LMBRD1: variants seen among roughly 807,000 people sequenced by gnomAD.
LMBRD1 encodes the protein LMBR1 domain containing 1, also known as lysosomal cobalamin transport escort protein LMBD1.
Under a neutral mutation model 74.8 loss-of-function variants are expected in LMBRD1, and 64 were observed. The observed-to-expected ratio is 0.86, with a 90% CI of 0.70 to 1.05. The LOEUF (loss-of-function observed/expected upper bound fraction) is 1.05. Ranked by LOEUF, LMBRD1 falls within the 50% of genes least tolerant of loss-of-function variation. LMBRD1 has a pLI of 0.00. For synonymous variants in LMBRD1, 204 were observed against 216.3 expected, an observed-to-expected ratio of 0.94 and a Z score of 0.50; for missense variants, 652 against 645.9, an observed-to-expected ratio of 1.01 and a Z score of -0.10.
chr6:69,689,923 C>T (rs1765841011), intron 14 of LMBRD1, among the ~76,000 whole-genome samples: 1 of 151,988 alleles, frequency 6.6e-6, no homozygotes, highest in African/African-American at 2.4e-5. Context: ...CCTCAATATC[C>T]ATGGGGGATT....
At chr6:69,724,367 A>AAG (rs1160885923) in intron 7 of LMBRD1, among the ~76,000 whole-genome samples, 4 of 136,070 alleles carry the variant, frequency 2.9e-5, no homozygotes, top group Admixed American at 2.2e-4. Flanking sequence ...AAAAAAAAAC[A>AAG]CTACAGGCCA....
rs79314833 is a variant in LMBRD1 at position 69,783,058 on chromosome 6, A to G, written c.247-2504T>C. ...TATAAACTAGCATAGATAAATATCT[A>G]TGAAGTACTTTTGAGTAGGAGGAAA... On this transcript the variant is annotated intron_variant, in intron 2 of 15. Coordinates refer to ENST00000649934, the MANE Select transcript of LMBRD1 (RefSeq NM_018368.4). Among the ~76,000 whole-genome samples, 645 of 152,348 alleles carry G rather than the reference A, an allele frequency of 4.2e-3. 6 individuals carry two copies. Among genetic ancestry groups the G allele is most frequent in the African/African-American group, 0.015 (608 of 41,572 alleles).
At chr6:69,715,719 T>C (rs4707324) in intron 8 of LMBRD1, among the ~76,000 whole-genome samples, 2 of 151,926 alleles carry the variant, frequency 1.3e-5, no homozygotes, top group Admixed American at 1.3e-4. Flanking sequence ...CATATACAAA[T>C]GTATTTACGA....
intron 14 of LMBRD1, among the ~76,000 whole-genome samples, chr6:69,683,936 C>T (rs1765712256): frequency 6.6e-6 from 1 of 152,000 alleles, no homozygotes; most frequent in African/African-American, 2.4e-5. Flanking sequence ...CAAGAAGTCC[C>T]AGATGCATGC....
chr6:69,726,958 A>T (rs532216508), intron 7 of LMBRD1, among the ~76,000 whole-genome samples: 1 of 152,156 alleles, frequency 6.6e-6, no homozygotes, highest in Non-Finnish European at 1.5e-5. Context: ...GTTTGAGAAC[A>T]GCCTGGTCAA....
At chr6:69,692,803 C>A (rs911277976) in intron 14 of LMBRD1, among the ~76,000 whole-genome samples, 2 of 151,938 alleles carry the variant, frequency 1.3e-5, no homozygotes, top group Non-Finnish European at 2.9e-5. Flanking sequence ...TATTTTTTCT[C>A]TTATTATAAT....
At chr6:69,688,729 A>AG (rs1765818051) in intron 14 of LMBRD1, among the ~76,000 whole-genome samples, 3 of 140,894 alleles carry the variant, frequency 2.1e-5, no homozygotes, top group African/African-American at 7.5e-5. Context: ...TTGCAGAGGT[A>AG]ATAAAAGATA....
chr6:69,760,038 T>G, intron 3 of LMBRD1, among the ~76,000 whole-genome samples: 1 of 152,200 alleles, frequency 6.6e-6, no homozygotes, highest in East Asian at 1.9e-4. Context: ...AAGGCTTATG[T>G]TCTTCTAATA....
intron 9 of LMBRD1, among the ~76,000 whole-genome samples, chr6:69,702,203 G>C (rs1766147717): frequency 6.6e-6 from 1 of 151,642 alleles, no homozygotes; most frequent in Non-Finnish European, 1.5e-5. Flanking sequence ...GTAAACAAAT[G>C]AAACTCTTTG....
chr6:69,703,036 G>C (rs976336887), intron 9 of LMBRD1, among the ~76,000 whole-genome samples: 4 of 152,176 alleles, frequency 2.6e-5, no homozygotes, highest in Non-Finnish European at 5.9e-5. Context: ...CTGGGAAGGA[G>C]AGAGTTGACG....
chr6:69,764,689 T>C (rs1420625482), intron 3 of LMBRD1, among the ~76,000 whole-genome samples: 1 of 152,224 alleles, frequency 6.6e-6, no homozygotes, highest in Non-Finnish European at 1.5e-5. Context: ...TATTAATGAT[T>C]GGTAAGATAC....
At chr6:69,693,328 C>A (rs1483147758) in intron 14 of LMBRD1, among the ~76,000 whole-genome samples, 1 of 151,804 alleles carries the variant, frequency 6.6e-6, no homozygotes, top group Admixed American at 6.6e-5. Context: ...CATTTGAAAC[C>A]TAATCATTTT....
chr6:69,719,864 C>A (rs1387549674), intron 7 of LMBRD1, among the ~76,000 whole-genome samples: 1 of 152,134 alleles, frequency 6.6e-6, no homozygotes, highest in Non-Finnish European at 1.5e-5. Context: ...CCTTCTGGCA[C>A]ACTTTACCCC....
At chr6:69,772,978 C>A (rs995143708) in intron 3 of LMBRD1, among the ~76,000 whole-genome samples, 1 of 152,176 alleles carries the variant, frequency 6.6e-6, no homozygotes, top group Admixed American at 6.5e-5. Context: ...CCTAACCTTA[C>A]GAAGTAGGTA....
intron 1 of LMBRD1, 56 bp from the exon 2 acceptor site, chr6:69,790,528 T>G: frequency 6.5e-7 from 1 of 1,549,320 alleles, no homozygotes; most frequent in Admixed American, 1.7e-5. Context: ...TCTCTGATTT[T>G]TGTATGTGTT....
intron 3 of LMBRD1, among the ~76,000 whole-genome samples, chr6:69,772,284 T>C (rs1174592719): frequency 6.6e-6 from 1 of 152,162 alleles, no homozygotes; most frequent in Non-Finnish European, 1.5e-5. Context: ...GATTAACCCG[T>C]GGGACATACA....
At chr6:69,682,469 TAA>T (rs1765683748) in intron 14 of LMBRD1, among the ~76,000 whole-genome samples, 1 of 151,990 alleles carries the variant, frequency 6.6e-6, no homozygotes, top group Non-Finnish European at 1.5e-5. Flanking sequence ...TCCAAGGTGC[TAA>T]AATATATATT....
At chr6:69,781,048 G>A (rs902814077) in intron 2 of LMBRD1, among the ~76,000 whole-genome samples, 4 of 152,134 alleles carry the variant, frequency 2.6e-5, no homozygotes, top group Admixed American at 1.3e-4. Context: ...TTTGTCCTAA[G>A]GGCAATGGAA....
chr6:69,748,510 C>T (rs1765046195), intron 5 of LMBRD1, among the ~76,000 whole-genome samples: 1 of 151,966 alleles, frequency 6.6e-6, no homozygotes, highest in Non-Finnish European at 1.5e-5. Flanking sequence ...CCTGGAACTA[C>T]AAAAAGTTCA....
Sources: gnomAD v4.1 joint callset for allele counts (sites outside exome capture counted in the v4.1 genomes callset) on GRCh38, gnomAD v4.1.1 for gene constraint, MANE v1.5 for transcripts, NCBI Gene and HGNC (gene_info 2026-07-23, HGNC 2026-07-21) for gene names.